Variants in FAIM2 observed in about 807,000 individuals in gnomAD.
FAIM2 encodes Fas apoptotic inhibitory molecule 2.
FAIM2 carries 27 observed loss-of-function variants against 47.4 expected under a neutral mutation model. The ratio of observed to expected loss-of-function variants is 0.57; its 90% confidence interval spans 0.42 to 0.78. The LOEUF (loss-of-function observed/expected upper bound fraction) is 0.78. Among genes scored for constraint, FAIM2 ranks in the 30% least tolerant of loss-of-function variants. The pLI, the probability that FAIM2 is intolerant of heterozygous loss-of-function variation, is 0.00. For synonymous variants in FAIM2, 156 were observed against 159.3 expected (o/e 0.98, Z 0.16); for missense variants, 311 against 389.4 (o/e 0.80, Z 1.69).
chr12:49,891,307 T>C (rs897165286), intron 5 of FAIM2, among the ~76,000 whole-genome samples, 193 bp from the exon 6 acceptor site: 8 of 152,068 alleles, frequency 5.3e-5, no homozygotes, highest in African/African-American at 1.9e-4. Context: ...AGCAAAAGGA[T>C]GGGACGAGCC....
Position 49,868,903 on chromosome 12 carries a change from G to A in FAIM2, c.*1601C>T, listed in dbSNP as rs1377873860. On this transcript the variant is annotated 3_prime_UTR_variant, in exon 12 of 12. Coordinates refer to ENST00000320634, the MANE Select transcript of FAIM2 (RefSeq NM_012306.4). ...TCCAAGATGGAACAAAACTTCAAAT[G>A]CTTCTGCAATGTTTCTTGAAAGCTG... The A allele has an allele frequency of 6.6e-6, 1 of 152,196 alleles. No homozygotes were observed. Among genetic ancestry groups the A allele is most frequent in the Non-Finnish European group, 1.5e-5 (1 of 68,048 alleles). 9.4% of individuals were successfully genotyped at this position (152,196 alleles called of 1,614,324 possible).
At chr12:49,872,099 T>C (rs1565611426) in intron 11 of FAIM2, among the ~76,000 whole-genome samples, 1 of 152,220 alleles carries the variant, frequency 6.6e-6, no homozygotes, top group Non-Finnish European at 1.5e-5. Flanking sequence ...GGGCAACAGC[T>C]GCATGACAGG....
chr12:49,889,266 G>A, intron 9 of FAIM2, 64 bp from the exon 10 acceptor site: 1 of 1,274,978 alleles, frequency 7.8e-7, no homozygotes, highest in Non-Finnish European at 1.1e-6. Flanking sequence ...CCAACTACAG[G>A]CTGAGCCCAT....
chr12:49,885,038 C>T (rs1040564087), intron 11 of FAIM2, among the ~76,000 whole-genome samples: 2 of 152,226 alleles, frequency 1.3e-5, no homozygotes, highest in Admixed American at 1.3e-4. Flanking sequence ...GCAAGTCTTA[C>T]AGCCTCAGGG....
intron 2 of FAIM2, among the ~76,000 whole-genome samples, chr12:49,898,797 G>A (rs1946960370): frequency 6.6e-6 from 1 of 152,162 alleles, no homozygotes; most frequent in South Asian, 2.1e-4. Flanking sequence ...AAAAGTGCTG[G>A]GATTACAGGT....
intron 11 of FAIM2, among the ~76,000 whole-genome samples, chr12:49,880,192 ATGTGCATGTGTG>A (rs1309337795): frequency 1.0e-4 from 7 of 67,908 alleles, no homozygotes; most frequent in South Asian, 7.8e-4. Context: ...ATGTGTGTAT[ATGTGCATGTGTG>A]TGTGCATGTG....
At chr12:49,896,636 AT>A (rs1270643295) in intron 5 of FAIM2, among the ~76,000 whole-genome samples, 1 of 152,264 alleles carries the variant, frequency 6.6e-6, no homozygotes, top group African/African-American at 2.4e-5. Context: ...GGTAGCTATT[AT>A]GATTAATATT....
intron 7 of FAIM2, among the ~76,000 whole-genome samples, chr12:49,890,384 C>A (rs1946891903): frequency 6.6e-6 from 1 of 152,188 alleles, no homozygotes; most frequent in Non-Finnish European, 1.5e-5. Context: ...GCCCTGCTCC[C>A]CACTTCTAAG....
At chr12:49,897,630 A>T (rs1199265836) in intron 3 of FAIM2, 47 bp from the exon 4 acceptor site, 2 of 1,447,932 alleles carry the variant, frequency 1.4e-6, no homozygotes, top group Admixed American at 3.4e-5. Context: ...CCTGTTAGGG[A>T]CCTGTCAGCC....
chr12:49,873,289 C>T (rs1421759212), intron 11 of FAIM2, among the ~76,000 whole-genome samples: 1 of 152,132 alleles, frequency 6.6e-6, no homozygotes, highest in Non-Finnish European at 1.5e-5. Flanking sequence ...AATGCCCACA[C>T]CACGGTGTGG....
chr12:49,893,496 A>T (rs774533050), intron 5 of FAIM2, among the ~76,000 whole-genome samples: 4 of 152,166 alleles, frequency 2.6e-5, no homozygotes, highest in Non-Finnish European at 5.9e-5. Context: ...GCAACTTATC[A>T]GTTTTCTATT....
intron 11 of FAIM2, among the ~76,000 whole-genome samples, chr12:49,875,027 G>C (rs1465805199): frequency 6.6e-6 from 1 of 152,202 alleles, no homozygotes; most frequent in Non-Finnish European, 1.5e-5. Flanking sequence ...GAAAGGTCTG[G>C]AAGGAGAGAT....
intron 5 of FAIM2, among the ~76,000 whole-genome samples, chr12:49,893,104 G>A (rs2137101545): frequency 6.6e-6 from 1 of 152,264 alleles, no homozygotes; most frequent in East Asian, 1.9e-4. Flanking sequence ...GACTGTTGCA[G>A]GAGCCCACCT....
At chr12:49,875,135 A>C (rs78578554) in intron 11 of FAIM2, among the ~76,000 whole-genome samples, 2 of 152,334 alleles carry the variant, frequency 1.3e-5, no homozygotes, top group African/African-American at 4.8e-5. Context: ...AAATATGTGA[A>C]TAAATGTATT....
At chr12:49,871,669 C>CTTTTT (rs3049277) in intron 11 of FAIM2, among the ~76,000 whole-genome samples, 2 of 141,532 alleles carry the variant, frequency 1.4e-5, no homozygotes, top group African/African-American at 2.6e-5. Context: ...CTTTTCTTTT[C>CTTTTT]TTTTTTTTTT....
intron 11 of FAIM2, among the ~76,000 whole-genome samples, chr12:49,875,335 A>T (rs934272534): frequency 6.6e-6 from 1 of 152,170 alleles, no homozygotes; most frequent in African/African-American, 2.4e-5. Context: ...CAGCCCAGGG[A>T]CAGCTAGAGG....
intron 11 of FAIM2, among the ~76,000 whole-genome samples, chr12:49,879,849 T>C (rs1007490321): frequency 6.8e-6 from 1 of 146,332 alleles, no homozygotes; most frequent in Admixed American, 6.7e-5. Flanking sequence ...TGTGAGTGTA[T>C]GTATGTTCAT....
rs1264461979 is a variant in FAIM2, at chr12:49,867,574, G to A, written c.*2930C>T. 1 of 152,234 alleles carries A rather than the reference G, an allele frequency of 6.6e-6. No individual in the cohort carries two copies. Among genetic ancestry groups the A allele is most frequent in the African/African-American group, 2.4e-5 (1 of 41,418 alleles). The allele number at this position is 152,234 out of a possible 1,614,324, so 9.4% of individuals were successfully genotyped here. ...CCCCCATCTGCAGCTTCCAGAAGAGGACTTCAGTGGGAGACCCCTCAACTC... is the reference window on the plus strand; with the variant it reads ...CCCCCATCTGCAGCTTCCAGAAGAGAACTTCAGTGGGAGACCCCTCAACTC... On this transcript the variant is annotated 3_prime_UTR_variant, in exon 12 of 12. Transcript: ENST00000320634.
intron 11 of FAIM2, among the ~76,000 whole-genome samples, chr12:49,879,201 T>G (rs1946777130): frequency 9.1e-6 from 1 of 110,024 alleles, no homozygotes; most frequent in African/African-American, 3.6e-5. Flanking sequence ...TGTGTATGTA[T>G]GTGTATGAGT....
Sources: allele counts gnomAD v4.1 joint callset (sites outside exome capture counted in the v4.1 genomes callset), GRCh38; gene constraint gnomAD v4.1.1; transcripts MANE v1.5; gene names NCBI Gene and HGNC (gene_info 2026-07-23, HGNC 2026-07-21).